Variants in DNAI7 observed in about 807,000 individuals in gnomAD.
The protein encoded by DNAI7 is dynein axonemal intermediate chain 7, also known as cancer susceptibility 1.
A neutral mutation model predicts 86.6 loss-of-function variants in DNAI7; 78 were observed. That is an observed-to-expected ratio of 0.90 (90% CI 0.75 to 1.09). The LOEUF (loss-of-function observed/expected upper bound fraction) is 1.09, where lower values mean the gene tolerates loss of function less well. Ranked by LOEUF, DNAI7 falls within the 50% of genes least tolerant of loss-of-function variation. DNAI7 has a pLI of 0.00. For missense variants in DNAI7, 753 were observed against 810.2 expected (o/e 0.93, Z 0.86); for synonymous variants, 274 against 273.0 (o/e 1.00, Z -0.04).
At chr12:25,167,624 C>T (rs1937363173) in intron 2 of DNAI7, among the ~76,000 whole-genome samples, 3 of 152,110 alleles carry the variant, frequency 2.0e-5, no homozygotes, top group Admixed American at 6.6e-5. Context: ...CAGCTGTCCC[C>T]GCCTTACATG....
chr12:25,160,235 C>CAACAAA (rs1419153807), intron 3 of DNAI7, among the ~76,000 whole-genome samples: 4 of 152,080 alleles, frequency 2.6e-5, no homozygotes, highest in Non-Finnish European at 4.4e-5. Context: ...CCAGAATTAG[C>CAACAAA]AGATTAAAAC....
chr12:25,152,071 T>C (rs1359166658), intron 6 of DNAI7, among the ~76,000 whole-genome samples: 1 of 152,376 alleles, frequency 6.6e-6, no homozygotes. Context: ...GTATTTATCC[T>C]AACTTGACGT....
At chr12:25,122,745 G>A (rs548330801) in intron 10 of DNAI7, among the ~76,000 whole-genome samples, 3 of 152,282 alleles carry the variant, frequency 2.0e-5, no homozygotes, top group South Asian at 2.1e-4. Flanking sequence ...TTTCAGTTGT[G>A]TATGTGTACT....
At chr12:25,163,821 C>T (rs1210617349) in intron 2 of DNAI7, among the ~76,000 whole-genome samples, 3 of 152,190 alleles carry the variant, frequency 2.0e-5, no homozygotes, top group Non-Finnish European at 2.9e-5. Flanking sequence ...TATCCCTCAA[C>T]CTCTTTCTCC....
intron 9 of DNAI7, among the ~76,000 whole-genome samples, chr12:25,126,651 G>A (rs1942175110): frequency 6.6e-6 from 1 of 152,136 alleles, no homozygotes; most frequent in African/African-American, 2.4e-5. Context: ...AAAAGGAAGA[G>A]GAAGGACAGG....
intron 9 of DNAI7, among the ~76,000 whole-genome samples, chr12:25,123,564 A>C (rs570617092): frequency 6.6e-6 from 1 of 152,346 alleles, no homozygotes; most frequent in African/African-American, 2.4e-5. Flanking sequence ...AAGCAATGCA[A>C]GCTATAAAAA....
At chr12:25,157,054 C>T (rs545328008) in intron 4 of DNAI7, among the ~76,000 whole-genome samples, 18 of 151,878 alleles carry the variant, frequency 1.2e-4, no homozygotes, top group Non-Finnish European at 2.4e-4. Flanking sequence ...TTTGGGAGGC[C>T]GAGGCGGGTG....
rs549108116 is a variant in DNAI7 at position 25,130,864 on chromosome 12, A to C, written c.1003-7578T>G. Among the ~76,000 whole-genome samples, 16 of 152,236 alleles carry C rather than the reference A, an allele frequency of 1.1e-4. No homozygotes were observed. In the South Asian group the frequency reaches 3.3e-3, roughly 32 times the overall value. On this transcript the variant is annotated intron_variant, in intron 9 of 15. Coordinates refer to ENST00000395987, the MANE Select transcript of DNAI7 (RefSeq NM_018272.5). ...TAGTATTACACATTTAAATGAACTAAAATGTGGTATTAAGAGCCCTCTAGT... is the reference window on the plus strand; with the variant it reads ...TAGTATTACACATTTAAATGAACTACAATGTGGTATTAAGAGCCCTCTAGT...
chr12:25,194,763 T>G, intron 1 of DNAI7: 2 of 917,074 alleles, frequency 2.2e-6, no homozygotes, highest in Non-Finnish European at 3.4e-6. Context: ...AGTGGGAACG[T>G]CTATCACTAC....
chr12:25,112,028 A>C, intron 13 of DNAI7, 89 bp from the exon 14 acceptor site: 1 of 778,652 alleles, frequency 1.3e-6, no homozygotes, highest in Non-Finnish European at 1.9e-6. Context: ...TGCTTTATAC[A>C]TTTTTAAAAG....
At chr12:25,107,389 G>C (rs1949257263), downstream of DNAI7, among the ~76,000 whole-genome samples, 1 of 152,088 alleles carries the variant, frequency 6.6e-6, no homozygotes, top group African/African-American at 2.4e-5. Context: ...ACTATTTTCA[G>C]CTTCAGGCAT....
chr12:25,167,812 A>G (rs534089750), intron 2 of DNAI7, among the ~76,000 whole-genome samples: 10 of 152,154 alleles, frequency 6.6e-5, no homozygotes, highest in African/African-American at 2.4e-4. Context: ...CTTTCTCCTT[A>G]TATCAACTCT....
chr12:25,116,826 A>G (rs1317907629), intron 12 of DNAI7, among the ~76,000 whole-genome samples: 1 of 152,250 alleles, frequency 6.6e-6, no homozygotes, highest in Non-Finnish European at 1.5e-5. Flanking sequence ...ATAAATACTT[A>G]GGAATATTAC....
At chr12:25,107,894 T>G (rs963322232), downstream of DNAI7, 3 of 1,614,202 alleles carry the variant, frequency 1.9e-6, no homozygotes, top group Non-Finnish European at 2.5e-6. Context: ...TGGCTCTCTA[T>G]TGCATTCATT....
chr12:25,149,561 GATT>G, intron 7 of DNAI7, 64 bp downstream of exon 7: 1 of 1,147,940 alleles, frequency 8.7e-7, no homozygotes, highest in Non-Finnish European at 1.3e-6. Context: ...AAAAATACTG[GATT>G]ATTTTATAAC....
At chr12:25,138,126 C>G (rs777992960) in intron 9 of DNAI7, among the ~76,000 whole-genome samples, 1 of 152,216 alleles carries the variant, frequency 6.6e-6, no homozygotes, top group East Asian at 1.9e-4. Flanking sequence ...GAACATTATC[C>G]AAGATATACC....
chr12:25,134,581 T>A (rs965878372), intron 9 of DNAI7, among the ~76,000 whole-genome samples: 4 of 151,884 alleles, frequency 2.6e-5, no homozygotes, highest in African/African-American at 9.7e-5. Context: ...GATCTCAAAC[T>A]CCTGACCTCA....
intron 9 of DNAI7, among the ~76,000 whole-genome samples, chr12:25,142,587 A>T (rs1054175328): frequency 6.6e-5 from 10 of 152,214 alleles, no homozygotes; most frequent in Non-Finnish European, 1.0e-4. Context: ...TAAGAAAAAA[A>T]TGCTTTAGCC....
chr12:25,195,154 G>A lies in DNAI7; in HGVS notation c.-76C>T. On this transcript the variant is annotated 5_prime_UTR_variant, in exon 1 of 16. Coordinates refer to ENST00000395987, the MANE Select transcript of DNAI7 (RefSeq NM_018272.5). ...GTGGACAAACGCTCCCGGGTTGCCC[G>A]GACGACAGGCCCCGCCCACTTGAGC... The A allele has an allele frequency of 1.3e-6, 2 of 1,485,240 alleles. No individual in the cohort carries two copies. The allele number at this position is 1,485,240 out of a possible 1,614,324, so 92.0% of individuals were successfully genotyped here. A position where few individuals can be genotyped will look rare whatever the true frequency, so the allele number is the denominator to read the frequency against.
Sources: gnomAD v4.1 joint callset for allele counts (sites outside exome capture counted in the v4.1 genomes callset) on GRCh38, gnomAD v4.1.1 for gene constraint, MANE v1.5 for transcripts, NCBI Gene and HGNC (gene_info 2026-07-23, HGNC 2026-07-21) for gene names.